Variants in WWC2 observed in about 807,000 individuals in gnomAD.
WWC2 encodes the protein protein WWC2.
Under a neutral mutation model 138.5 loss-of-function variants are expected in WWC2, and 101 were observed. That is an observed-to-expected ratio of 0.73 (90% CI 0.62 to 0.86). The LOEUF (loss-of-function observed/expected upper bound fraction) is 0.86. WWC2 is among the 40% of genes least tolerant of loss of function. WWC2 has a pLI of 0.00. For synonymous variants in WWC2, 558 were observed against 538.4 expected, an observed-to-expected ratio of 1.04 and a Z score of -0.50; for missense variants, 1,420 against 1,419.4, an observed-to-expected ratio of 1.00 and a Z score of -0.01.
chr4:183,165,219 T>C (rs1169465597), intron 1 of WWC2, among the ~76,000 whole-genome samples: 1 of 152,120 alleles, frequency 6.6e-6, no homozygotes, highest in African/African-American at 2.4e-5. Flanking sequence ...CTCTTCTGAC[T>C]TGGAGTGTCA....
chr4:183,168,169 CT>C (rs1554068895), intron 1 of WWC2, among the ~76,000 whole-genome samples: 1 of 10,534 alleles, frequency 9.5e-5, no homozygotes, highest in Non-Finnish European at 2.4e-4. Flanking sequence ...TTTTTCTTTT[CT>C]TTTCTTTCTT....
intron 21 of WWC2, among the ~76,000 whole-genome samples, chr4:183,305,551 G>A (rs1480975120): frequency 2.0e-5 from 3 of 152,094 alleles, no homozygotes; most frequent in African/African-American, 7.2e-5. Flanking sequence ...ACAAAGACAA[G>A]TATTATATGT....
At chr4:183,220,739 C>A (rs1390437072) in intron 4 of WWC2, among the ~76,000 whole-genome samples, 9 of 151,650 alleles carry the variant, frequency 5.9e-5, no homozygotes, top group South Asian at 2.1e-4. Context: ...GAGGCTGAGC[C>A]AGGAGAATGG....
intron 4 of WWC2, among the ~76,000 whole-genome samples, chr4:183,214,407 CTG>C (rs1222692353): frequency 6.6e-6 from 1 of 152,200 alleles, no homozygotes; most frequent in Non-Finnish European, 1.5e-5. Flanking sequence ...CAGTTTGTAA[CTG>C]TGAGTAAAGT....
At chr4:183,186,228 T>G (rs7659052) in intron 1 of WWC2, among the ~76,000 whole-genome samples, 151,721 of 152,318 alleles carry the variant, frequency 1, 75,565 homozygotes, top group Non-Finnish European at 1. Context: ...ATAGGCGTAA[T>G]CCACTGTGCC....
intron 4 of WWC2, among the ~76,000 whole-genome samples, chr4:183,227,218 A>G (rs900089868): frequency 3.3e-5 from 5 of 152,088 alleles, no homozygotes; most frequent in Non-Finnish European, 1.5e-5. Context: ...GGACCGTTGG[A>G]TTTATCACCA....
intron 1 of WWC2, among the ~76,000 whole-genome samples, chr4:183,153,485 C>T (rs1733702935): frequency 6.6e-6 from 1 of 152,090 alleles, no homozygotes; most frequent in East Asian, 1.9e-4. Context: ...TGAAAAGCCA[C>T]TATAATTCAT....
rs533758861 is a variant in WWC2 at position 183,186,088 on chromosome 4, C to T, written c.132-7511C>T. On this transcript the variant is annotated intron_variant, in intron 1 of 22. Coordinates refer to ENST00000403733, the MANE Select transcript of WWC2 (RefSeq NM_024949.6). ...TCAGTCTCCCGAGTAGCTGGGACTA[C>T]GAGCGCCCCCCACCACTCCCAGCTA... Among the ~76,000 whole-genome samples, 8 of 151,822 alleles carry T rather than the reference C, an allele frequency of 5.3e-5. No individual in the cohort carries two copies. In the East Asian group the frequency reaches 1.4e-3, roughly 26 times the overall value.
At chr4:183,166,883 G>A (rs1339854089) in intron 1 of WWC2, among the ~76,000 whole-genome samples, 1 of 152,180 alleles carries the variant, frequency 6.6e-6, no homozygotes, top group African/African-American at 2.4e-5. Flanking sequence ...GCTCTCCTAA[G>A]TTGAAACAAT....
intron 4 of WWC2, among the ~76,000 whole-genome samples, chr4:183,232,673 A>G (rs1397927364): frequency 1.3e-5 from 2 of 151,888 alleles, no homozygotes; most frequent in African/African-American, 4.9e-5. Flanking sequence ...TTTGAGACAG[A>G]GTTTCTCTCA....
chr4:183,285,550 C>T (rs7677484), intron 19 of WWC2, among the ~76,000 whole-genome samples: 12,196 of 152,142 alleles, frequency 0.08, 690 homozygotes, highest in Non-Finnish European at 0.12. Context: ...CACCTGAGGT[C>T]AGAAGTTCGA....
chr4:183,174,513 C>A (rs1281086463), intron 1 of WWC2, among the ~76,000 whole-genome samples: 1 of 152,214 alleles, frequency 6.6e-6, no homozygotes, highest in Non-Finnish European at 1.5e-5. Context: ...CGCTGACCTT[C>A]CCATTGTCCT....
chr4:183,130,066 T>A (rs1732875866), intron 1 of WWC2, among the ~76,000 whole-genome samples: 1 of 151,870 alleles, frequency 6.6e-6, no homozygotes, highest in Non-Finnish European at 1.5e-5. Context: ...CTTTTTTTTT[T>A]TTTTTTGAGA....
At chr4:183,286,494 G>A (rs1486702211) in intron 20 of WWC2, among the ~76,000 whole-genome samples, 1 of 152,118 alleles carries the variant, frequency 6.6e-6, no homozygotes, top group African/African-American at 2.4e-5. Context: ...TGCTTACACA[G>A]ATATCTTTAG....
In WWC2 at chr4:183,099,499, G is replaced by C; in HGVS notation, c.8G>C (p.Arg3Thr). 3 of 1,354,642 alleles carry C rather than the reference G, an allele frequency of 2.2e-6. No individual in the cohort carries two copies. Among genetic ancestry groups the C allele is most frequent in the Non-Finnish European group, 2.9e-6 (3 of 1,038,202 alleles). The allele number at this position is 1,354,642 out of a possible 1,614,324, so 83.9% of individuals were successfully genotyped here. ...CCGGCGAGGCCGCCGACCATGCCTA[G>C]GAGGGCCGGGAGCGGTCAGCTGCCG... Reference protein sequence around the residue: MPRRAGSGQLPLP... With the variant: MPTRAGSGQLPLP... Residue 3 changes from arginine to threonine, a missense_variant, in exon 1 of 23, where the codon AGG becomes ACG. Transcript: ENST00000403733.
intron 1 of WWC2, among the ~76,000 whole-genome samples, chr4:183,188,241 CTTTTG>C (rs1734873253): frequency 6.6e-6 from 1 of 151,760 alleles, no homozygotes; most frequent in Admixed American, 6.6e-5. Context: ...GTGACGTGTT[CTTTTG>C]TTTTGTTTTT....
In WWC2 at chr4:183,253,946, G is replaced by A. The variant is rs2111342584; in HGVS notation, c.1143G>A (p.Leu381=). The A allele has an allele frequency of 6.2e-7, 1 of 1,613,874 alleles. No homozygotes were observed. The highest frequency in any genetic ancestry group is 8.5e-7 in the Non-Finnish European group (1 of 1,179,874). ...GCCTAGAAGCTGAAAGGCAGCGGCT[G>A]GAAGAAGAGTTGCTGTCTGTGAGGG... ...LERLEAERQR[L]EEELLSVRGT... is the part of the protein sequence containing the mutation. The change falls in exon 9 of 23, where the codon CTG becomes CTA. Residue 381 remains leucine (L), a synonymous_variant. Coordinates refer to ENST00000403733, the MANE Select transcript of WWC2 (RefSeq NM_024949.6).
Position 183,154,002 on chromosome 4 carries a change from CAAAAAAA to C in WWC2, c.132-39577_132-39571del, listed in dbSNP as rs35002790. ...ACAGTGAATTGCTGGCTTTAAAAAG[CAAAAAAA>C]AAAAAAAAAAAAAAAAAAACCCCAA... On this transcript the variant is annotated intron_variant, in intron 1 of 22. Transcript: ENST00000403733. Among the ~76,000 whole-genome samples, 136 of 71,664 alleles carry C rather than the reference CAAAAAAA, an allele frequency of 1.9e-3. 1 individual carries two copies. The highest frequency in any genetic ancestry group is 7.1e-3 in the African/African-American group (124 of 17,392). 47.0% of individuals were successfully genotyped at this position (71,664 alleles called of 152,430 possible).
intron 21 of WWC2, among the ~76,000 whole-genome samples, chr4:183,307,687 A>G (rs1001893675): frequency 6.6e-6 from 1 of 152,234 alleles, no homozygotes; most frequent in African/African-American, 2.4e-5. Context: ...CATGCTAAAA[A>G]TAACTCCCAG....
Sources: gnomAD v4.1 joint callset for allele counts (sites outside exome capture counted in the v4.1 genomes callset) on GRCh38, gnomAD v4.1.1 for gene constraint, MANE v1.5 for transcripts, NCBI Gene and HGNC (gene_info 2026-07-23, HGNC 2026-07-21) for gene names.